IQSEC1: variants seen among roughly 807,000 people sequenced by gnomAD.
IQSEC1 encodes IQ motif and SEC7 domain-containing protein 1.
IQSEC1 carries 31 observed loss-of-function variants against 91.0 expected under a neutral mutation model. The observed-to-expected ratio is 0.34, with a 90% CI of 0.26 to 0.46. IQSEC1 has a LOEUF of 0.46. IQSEC1 is among the 20% of genes least tolerant of loss of function. IQSEC1 has a pLI of 1.00. For missense variants in IQSEC1, 1,388 were observed against 1,575.6 expected, an observed-to-expected ratio of 0.88 and a Z score of 2.02; for synonymous variants, 699 against 662.6, an observed-to-expected ratio of 1.05 and a Z score of -0.84.
intron 1 of IQSEC1, among the ~76,000 whole-genome samples, chr3:12,977,387 G>A (rs111859701): frequency 5.9e-4 from 88 of 150,166 alleles, no homozygotes; most frequent in African/African-American, 2.0e-3. Context: ...TTGGCAAAAC[G>A]AATGGCCATC....
chr3:13,201,899 C>G (rs1694252560), intron 1 of IQSEC1, among the ~76,000 whole-genome samples: 1 of 152,166 alleles, frequency 6.6e-6, no homozygotes, highest in Non-Finnish European at 1.5e-5. Flanking sequence ...TTTTGGATAG[C>G]TTTGTTACAT....
chr3:13,107,665 C>T (rs1262463801), intron 2 of IQSEC1, among the ~76,000 whole-genome samples: 1 of 152,238 alleles, frequency 6.6e-6, no homozygotes, highest in African/African-American at 2.4e-5. Flanking sequence ...TCATGGTGGT[C>T]TATAACCTCT....
intron 2 of IQSEC1, among the ~76,000 whole-genome samples, chr3:13,114,255 C>T (rs1207440082): frequency 4.6e-5 from 7 of 152,232 alleles, no homozygotes; most frequent in Non-Finnish European, 2.9e-5. Context: ...GTGTTTTTCT[C>T]GGGTGTGGCT....
chr3:13,148,335 A>T (rs1706931459), intron 2 of IQSEC1, among the ~76,000 whole-genome samples: 1 of 151,990 alleles, frequency 6.6e-6, no homozygotes, highest in Non-Finnish European at 1.5e-5. Context: ...CCTCGGTCAC[A>T]TCCACCCCTC....
chr3:13,116,359 A>G (rs536455036), intron 2 of IQSEC1, among the ~76,000 whole-genome samples: 2 of 152,376 alleles, frequency 1.3e-5, no homozygotes, highest in South Asian at 2.1e-4. Context: ...AAGCAGCCAC[A>G]GACAATATAT....
intron 1 of IQSEC1, among the ~76,000 whole-genome samples, chr3:13,191,594 C>A (rs1259171197): frequency 6.8e-6 from 1 of 147,492 alleles, no homozygotes; most frequent in Admixed American, 7.1e-5. Context: ...GCCTCTGCCT[C>A]TCAAAGTGCT....
intron 1 of IQSEC1, among the ~76,000 whole-genome samples, chr3:12,964,338 G>C (rs919873385): frequency 6.9e-6 from 1 of 145,264 alleles, no homozygotes; most frequent in Admixed American, 6.8e-5. Context: ...GCTTCCATGG[G>C]AGATCTCTCC....
At chr3:12,960,045 T>C (rs1700148846) in intron 1 of IQSEC1, among the ~76,000 whole-genome samples, 1 of 152,154 alleles carries the variant, frequency 6.6e-6, no homozygotes, top group Admixed American at 6.5e-5. Context: ...AAAGAGCTGC[T>C]TCCCCAAACA....
chr3:13,176,520 C>T (rs1052545613), intron 1 of IQSEC1, among the ~76,000 whole-genome samples: 7 of 152,186 alleles, frequency 4.6e-5, no homozygotes, highest in African/African-American at 1.2e-4. Context: ...GTAAAGCAGT[C>T]GGGAACACAT....
At position 12,924,238 on chromosome 3, in the gene IQSEC1, A is replaced by C. The variant is rs1387647430; in HGVS notation, c.1730+343T>G. ...CAGCCCTGCCATGAGAAGCTGCAGG[A>C]ACATGGGTCACTGAGGGCTGTGATG... On this transcript the variant is annotated intron_variant, in intron 4 of 13. Transcript: ENST00000613206. This position sits in a 1 kb window ranked among gnomAD's most constrained non-coding sequence, Gnocchi z 6.3. Among the ~76,000 whole-genome samples, 1 of 152,188 alleles carries C rather than the reference A, an allele frequency of 6.6e-6. No homozygotes were observed. The highest frequency in any genetic ancestry group is 6.5e-5 in the Admixed American group (1 of 15,294).
chr3:12,972,023 A>G (rs1175915500), intron 1 of IQSEC1, among the ~76,000 whole-genome samples: 1 of 149,302 alleles, frequency 6.7e-6, no homozygotes, highest in Non-Finnish European at 1.5e-5. Context: ...CAAAACAAAC[A>G]AACAAACAAA....
intron 1 of IQSEC1, among the ~76,000 whole-genome samples, chr3:13,013,404 C>T (rs1702978907): frequency 6.6e-6 from 1 of 152,168 alleles, no homozygotes; most frequent in African/African-American, 2.4e-5. Context: ...GCAAGTCCAT[C>T]AGATGGGGCT....
intron 1 of IQSEC1, among the ~76,000 whole-genome samples, chr3:13,067,840 T>C (rs1221710847): frequency 6.6e-6 from 1 of 152,240 alleles, no homozygotes; most frequent in African/African-American, 2.4e-5. Flanking sequence ...TTTGTTGTTA[T>C]TCTTAAAGAC....
At chr3:13,247,209 T>G (rs1435978785) in intron 1 of IQSEC1, among the ~76,000 whole-genome samples, 1 of 152,074 alleles carries the variant, frequency 6.6e-6, no homozygotes, top group Non-Finnish European at 1.5e-5. Flanking sequence ...CTCCTAGAAG[T>G]TACCTAATAG....
At chr3:13,009,214 G>A (rs1258034515) in intron 1 of IQSEC1, among the ~76,000 whole-genome samples, 2 of 152,216 alleles carry the variant, frequency 1.3e-5, no homozygotes, top group African/African-American at 4.8e-5. Context: ...GAGAGGCCTG[G>A]TGACTCGCCC....
At chr3:13,204,437 TC>T (rs1559276936) in intron 1 of IQSEC1, among the ~76,000 whole-genome samples, 1 of 152,148 alleles carries the variant, frequency 6.6e-6, no homozygotes, top group African/African-American at 2.4e-5. Flanking sequence ...CTGTCGCACT[TC>T]CCCCTCCCAC....
chr3:13,204,532 G>A (rs1694305634), intron 1 of IQSEC1, among the ~76,000 whole-genome samples: 1 of 152,248 alleles, frequency 6.6e-6, no homozygotes, highest in African/African-American at 2.4e-5. Flanking sequence ...TAGCGAGAGC[G>A]GCTCACGCTG....
chr3:12,979,204 CCTCA>C lies in IQSEC1; in HGVS notation c.24-37343_24-37340del, dbSNP rs1277831765. ...ATCTGCTCCACAAGTGAAAAGCCAG[CCTCA>C]CTAAGCATAAATTGAATTTTCCCAT... is the stretch of plus-strand genomic sequence containing the variant. On this transcript the variant is annotated intron_variant, in intron 1 of 13. Transcript: ENST00000613206. The surrounding 1 kb of genome is among the most constrained non-coding windows in gnomAD (Gnocchi z 4.3). Among the ~76,000 whole-genome samples the C allele has an allele frequency of 2.6e-5, 4 of 152,144 alleles. No homozygotes were observed. Among genetic ancestry groups the C allele is most frequent in the Non-Finnish European group, 5.9e-5 (4 of 68,036 alleles).
At position 12,924,372 on chromosome 3, in the gene IQSEC1, T is replaced by C. The variant is rs1373731788; in HGVS notation, c.1730+209A>G. 6.6e-6 allele frequency among the ~76,000 whole-genome samples: 1 copy of C among 152,002 alleles called. No individual in the cohort carries two copies. The highest frequency in any genetic ancestry group is 1.5e-5 in the Non-Finnish European group (1 of 67,952). ...GCAGTGGGGTTCGCATGTGGGATGG[T>C]GCATTGGAGGGCAGGTGCCCACCTG... On this transcript the variant is annotated intron_variant, in intron 4 of 13. Transcript: ENST00000613206. The surrounding 1 kb of genome is among the most constrained non-coding windows in gnomAD (Gnocchi z 6.3).
Sources: gnomAD v4.1 joint callset for allele counts (sites outside exome capture counted in the v4.1 genomes callset) on GRCh38, gnomAD v4.1.1 for gene constraint, Gnocchi (gnomAD v3.1) non-coding constraint, MANE v1.5 for transcripts, NCBI Gene and HGNC (gene_info 2026-07-23, HGNC 2026-07-21) for gene names.